The following ASRGL1 variants were observed in gnomAD, a reference collection of about 807,000 sequenced individuals.
ASRGL1 encodes the protein isoaspartyl peptidase/L-asparaginase.
Under a neutral mutation model 22.4 loss-of-function variants are expected in ASRGL1, and 16 were observed. The ratio of observed to expected loss-of-function variants is 0.71; its 90% CI spans 0.48 to 1.08. ASRGL1 has a LOEUF of 1.08. Among genes scored for constraint, ASRGL1 ranks in the 50% least tolerant of loss-of-function variants. The probability of loss-of-function intolerance (pLI) is 0.00; values close to 1 mark genes in which losing one functional copy is unlikely to be tolerated. For missense variants in ASRGL1, 412 were observed against 410.1 expected, an observed-to-expected ratio of 1.00 and a Z score of -0.04; for synonymous variants, 165 against 159.3, an observed-to-expected ratio of 1.04 and a Z score of -0.27.
At chr11:62,363,312 A>C (rs1352431353) in intron 4 of ASRGL1, among the ~76,000 whole-genome samples, 3 of 152,106 alleles carry the variant, frequency 2.0e-5, no homozygotes, top group African/African-American at 7.2e-5. Context: ...GTTCCAACAA[A>C]ATCCAGGGAA....
intron 3 of ASRGL1, 140 bp downstream of exon 3, chr11:62,356,607 T>G: frequency 8.9e-7 from 1 of 1,123,498 alleles, no homozygotes; most frequent in South Asian, 1.5e-5. Context: ...TATTTGAGTT[T>G]CTCAAATCAG....
At chr11:62,341,633 A>C (rs1437960618) in intron 2 of ASRGL1, among the ~76,000 whole-genome samples, 1 of 152,198 alleles carries the variant, frequency 6.6e-6, no homozygotes, top group Non-Finnish European at 1.5e-5. Context: ...TGATTCTGAG[A>C]TACAACCAGG....
At chr11:62,364,331 G>A (rs1458769015) in intron 4 of ASRGL1, among the ~76,000 whole-genome samples, 1 of 152,004 alleles carries the variant, frequency 6.6e-6, no homozygotes, top group Admixed American at 6.6e-5. Flanking sequence ...AATGACCCTG[G>A]TATACACAAT....
intron 2 of ASRGL1, among the ~76,000 whole-genome samples, chr11:62,354,011 C>T (rs988182499): frequency 6.6e-6 from 1 of 152,120 alleles, no homozygotes; most frequent in African/African-American, 2.4e-5. Context: ...TTCTGGTTTC[C>T]CCACCTGTTA....
intron 4 of ASRGL1, among the ~76,000 whole-genome samples, chr11:62,364,490 T>A (rs980074738): frequency 3.3e-5 from 5 of 152,174 alleles, no homozygotes; most frequent in Admixed American, 2.0e-4. Flanking sequence ...ATCCCACTTC[T>A]AGGCATATAC....
Position 62,343,730 on chromosome 11 carries a change from CAAAAA to C in ASRGL1, c.190+5580_190+5584del, listed in dbSNP as rs71053038. ...GCAACAAAGCAAGACTCCAGCTCCA[CAAAAA>C]AAAAAAAAAAAAAAAAGTTCCACTT... On this transcript the variant is annotated intron_variant, in intron 2 of 6. Transcript: ENST00000415229. 1.7e-4 allele frequency among the ~76,000 whole-genome samples: 12 copies of C among 68,972 alleles called. No homozygotes were observed. The East Asian group carries it at 4.5e-3, about 26-fold the overall frequency. The allele number at this position is 68,972 out of a possible 152,430, so 45.2% of individuals were successfully genotyped here.
intron 4 of ASRGL1, among the ~76,000 whole-genome samples, chr11:62,366,752 C>T (rs1946620656): frequency 6.6e-6 from 1 of 152,044 alleles, no homozygotes; most frequent in Non-Finnish European, 1.5e-5. Flanking sequence ...CTCAAGTGGT[C>T]CTCCTACCTC....
chr11:62,391,776 ACT>A, intron 6 of ASRGL1, 144 bp downstream of exon 6: 1 of 1,064,570 alleles, frequency 9.4e-7, no homozygotes, highest in South Asian at 1.7e-5. Context: ...CCTTGTTTTG[ACT>A]CTCCGCCTTC....
intron 2 of ASRGL1, among the ~76,000 whole-genome samples, chr11:62,353,083 T>A (rs940416316): frequency 2.6e-5 from 4 of 152,140 alleles, no homozygotes; most frequent in Non-Finnish European, 4.4e-5. Flanking sequence ...TTTGTTATGG[T>A]CCCACTGGTT....
chr11:62,389,161 T>A lies in ASRGL1; in HGVS notation c.520T>A (p.Leu174Met), dbSNP rs759036661. Reference protein sequence around the residue: ...KNLGTVGAVALDCKGNVAYAT... With the variant: ...KNLGTVGAVAMDCKGNVAYAT... ...CTTGGGAACCGTGGGTGCTGTTGCC[T>A]TGGACTGCAAAGGGAATGTAGCCTA... Residue 174 changes from leucine (L) to methionine (M), a missense_variant, in exon 5 of 7, where the codon TTG (leucine) becomes ATG (methionine). Transcript: ENST00000415229. 1 of 1,613,978 alleles carries A rather than the reference T, an allele frequency of 6.2e-7. No homozygotes were observed. The highest frequency in any genetic ancestry group is 1.1e-5 in the South Asian group (1 of 91,086).
chr11:62,363,985 C>T (rs899372253), intron 4 of ASRGL1, among the ~76,000 whole-genome samples: 4 of 151,858 alleles, frequency 2.6e-5, no homozygotes, highest in African/African-American at 9.7e-5. Flanking sequence ...GGTGAAACCA[C>T]GTCTCTACTA....
At chr11:62,347,214 T>C (rs1368328278) in intron 2 of ASRGL1, among the ~76,000 whole-genome samples, 2 of 152,310 alleles carry the variant, frequency 1.3e-5, no homozygotes, top group East Asian at 1.9e-4. Flanking sequence ...CTCTGGACTA[T>C]AGTCATCAGT....
chr11:62,400,684 G>A, the ASRGL1 span, among the ~76,000 whole-genome samples: 3 of 152,036 alleles, frequency 2.0e-5, no homozygotes, highest in Admixed American at 1.3e-4. Flanking sequence ...TTTTCCAATC[G>A]GGGCCCCTGA....
At chr11:62,400,344 C>T in the ASRGL1 span, among the ~76,000 whole-genome samples, 2 of 152,152 alleles carry the variant, frequency 1.3e-5, no homozygotes, top group Admixed American at 6.5e-5. Flanking sequence ...CTTCATAAGC[C>T]GTCGGTAAAT....
chr11:62,352,454 C>T (rs887408270), intron 2 of ASRGL1, among the ~76,000 whole-genome samples: 2 of 152,050 alleles, frequency 1.3e-5, no homozygotes, highest in African/African-American at 2.4e-5. Flanking sequence ...GGTATGGTGG[C>T]GCACCTGTAA....
chr11:62,377,156 G>A (rs1444150874), intron 4 of ASRGL1, among the ~76,000 whole-genome samples: 6 of 152,170 alleles, frequency 3.9e-5, no homozygotes, highest in Admixed American at 3.9e-4. Flanking sequence ...AAAGCATGAA[G>A]TTCTTGTGCT....
intron 4 of ASRGL1, among the ~76,000 whole-genome samples, chr11:62,369,198 T>C (rs1946696580): frequency 6.6e-6 from 1 of 152,140 alleles, no homozygotes; most frequent in East Asian, 1.9e-4. Flanking sequence ...GATTAGAGAA[T>C]GGTGATGACT....
rs1946296280 is a variant in ASRGL1, at chr11:62,356,378, AT to A, written c.245del (p.Met82ArgfsTer17). 6.2e-7 allele frequency: 1 copy of A among 1,614,076 alleles called. No homozygotes were observed. Among genetic ancestry groups the A allele is most frequent in the South Asian group, 1.1e-5 (1 of 91,090 alleles). On this transcript the variant is annotated frameshift_variant, in exon 3 of 7. Transcript: ENST00000415229. LOFTEE classifies it high-confidence loss of function. ...NGEVEMDASI[M>X]DGKDLSAGAV... Reference sequence around the variant, plus strand: ...TGAGGTTGAAATGGATGCTAGTATCATGGATGGAAAAGACCTGTCTGCAGGA... The same window carrying A: ...TGAGGTTGAAATGGATGCTAGTATCAGGATGGAAAAGACCTGTCTGCAGGA...
At chr11:62,393,988 C>T (rs1039230207), downstream of ASRGL1, among the ~76,000 whole-genome samples, 1 of 146,012 alleles carries the variant, frequency 6.8e-6, no homozygotes, top group Admixed American at 7.0e-5. Context: ...CTTATGAGGA[C>T]ACCATATTAG....
Sources: allele counts gnomAD v4.1 joint callset (sites outside exome capture counted in the v4.1 genomes callset), GRCh38; gene constraint gnomAD v4.1.1; transcripts MANE v1.5; gene names NCBI Gene and HGNC (gene_info 2026-07-23, HGNC 2026-07-21).